Variants in MASP1 observed in about 807,000 individuals in gnomAD.
MASP1 encodes the protein mannan-binding lectin serine protease 1.
MASP1 carries 59 observed loss-of-function variants against 77.1 expected under a neutral mutation model. That is an observed-to-expected ratio of 0.77 (90% CI 0.62 to 0.95). The LOEUF (loss-of-function observed/expected upper bound fraction) is 0.95, where lower values mean the gene tolerates loss of function less well. MASP1 is among the 40% of genes least tolerant of loss of function. The probability of loss-of-function intolerance (pLI) is 0.00; values close to 1 mark genes in which losing one functional copy is unlikely to be tolerated. For missense variants in MASP1, 885 were observed against 912.9 expected (o/e 0.97, Z 0.39); for synonymous variants, 362 against 354.5 (o/e 1.02, Z -0.24).
intron 1 of MASP1, among the ~76,000 whole-genome samples, chr3:187,290,351 T>G (rs1166075417): frequency 6.6e-6 from 1 of 152,164 alleles, no homozygotes; most frequent in Admixed American, 6.5e-5. Context: ...GATGAGCATA[T>G]GCAAAGATAC....
intron 8 of MASP1, chr3:187,246,986 G>A: frequency 1.7e-6 from 2 of 1,208,046 alleles, no homozygotes; most frequent in Non-Finnish European, 2.1e-6. Context: ...GTCAGCCTGA[G>A]GCCACATGGT....
At chr3:187,244,028 C>T (rs1312482990) in intron 8 of MASP1, 1 of 252,878 alleles carries the variant, frequency 4.0e-6, no homozygotes, top group Non-Finnish European at 7.8e-6. Flanking sequence ...CTCTAGCTGA[C>T]ATAAACTAAA....
downstream of MASP1, among the ~76,000 whole-genome samples, chr3:187,231,162 C>T (rs1369577637): frequency 6.6e-6 from 1 of 152,218 alleles, no homozygotes; most frequent in Non-Finnish European, 1.5e-5. Context: ...TCCTCCTCAC[C>T]ATCTCTTCTT....
At chr3:187,226,201 C>A (rs905686311) in intron 12 of MASP1, 25 of 590,312 alleles carry the variant, frequency 4.2e-5, no homozygotes, top group Non-Finnish European at 6.1e-5. Context: ...GAAACTGAAG[C>A]ATAGACTTCA....
In MASP1 at chr3:187,223,148, C is replaced by G. The variant is rs768987275; in HGVS notation, c.1788G>C (p.Arg596Ser). 9.3e-6 allele frequency: 15 copies of G among 1,614,012 alleles called. No individual in the cohort carries two copies. The Middle Eastern group carries it at 6.6e-4, about 71-fold the overall frequency. ...TCACCTCCATCAGGGTCTCTGGGAA[C>G]CTTTGCAAGAACTGCTTCCCCCAGC... Residue 596 changes from arginine to serine, a missense_variant, in exon 14 of 16, where the codon AGG becomes AGC. Physicochemically the swap from Arg to Ser is moderately radical, Grantham distance 110. Coordinates refer to the MASP1 transcript ENST00000337774.
downstream of MASP1, among the ~76,000 whole-genome samples, chr3:187,229,098 C>T (rs111887739): frequency 2.1e-3 from 318 of 152,320 alleles, no homozygotes; most frequent in African/African-American, 6.8e-3. Context: ...TTTCTTTTGA[C>T]ATCAGAACTG....
chr3:187,250,205 G>T (rs377222869), intron 8 of MASP1, 46 bp downstream of exon 8: 82 of 1,495,032 alleles, frequency 5.5e-5, no homozygotes, highest in Middle Eastern at 1.7e-4. Context: ...TCCCGCCAGT[G>T]CTGGGGAGCT....
At position 187,236,542 on chromosome 3, in the gene MASP1, C is replaced by G; in HGVS notation, c.1329G>C (p.Leu443=). 2 of 1,613,954 alleles carry G rather than the reference C, an allele frequency of 1.2e-6. No individual in the cohort carries two copies. Among genetic ancestry groups the G allele is most frequent in the Non-Finnish European group, 8.5e-7 (1 of 1,179,956 alleles). The change falls in exon 11 of 11, where the codon CTG becomes CTC. Residue 443 remains leucine (L), a synonymous_variant. Transcript: ENST00000296280. ...LPECGQPSRS[L]PSLVKRIIGG... ...CAATGATCCTCTTGACCAGGCTTGGCAGGGAGCGGGAGGGCTGACCACACT... is the reference window on the plus strand; with the variant it reads ...CAATGATCCTCTTGACCAGGCTTGGGAGGGAGCGGGAGGGCTGACCACACT...
chr3:187,246,583 G>T, intron 8 of MASP1: 1 of 985,474 alleles, frequency 1.0e-6, no homozygotes, highest in East Asian at 1.1e-4. Context: ...AGAGATTCCA[G>T]CTGCCACTCC....
chr3:187,236,505 C>A lies in MASP1; in HGVS notation c.1366G>T (p.Ala456Ser). The change falls in exon 11 of 11, where the codon GCT becomes TCT. Residue 456 changes from alanine to serine, a missense_variant. Coordinates refer to ENST00000296280, the MANE Select transcript of MASP1 (RefSeq NM_139125.4). ...LVKRIIGGRN[A>S]EPGLFPWQAL... ...TGCCACGGGAAGAGGCCAGGCTCAG[C>A]ATTTCGGCCCCCAATGATCCTCTTG... 2.5e-6 allele frequency: 4 copies of A among 1,614,014 alleles called. No homozygotes were observed. Among genetic ancestry groups the A allele is most frequent in the Non-Finnish European group, 2.5e-6 (3 of 1,179,972 alleles).
chr3:187,262,814 G>C, intron 2 of MASP1, 94 bp from the exon 3 acceptor site: 1 of 1,119,790 alleles, frequency 8.9e-7, no homozygotes, highest in Admixed American at 1.9e-5. Flanking sequence ...GGCCACCCAA[G>C]AGTAGGCTAG....
intron 1 of MASP1, among the ~76,000 whole-genome samples, chr3:187,289,256 C>G (rs1718108660): frequency 1.3e-5 from 2 of 152,210 alleles, no homozygotes; most frequent in Non-Finnish European, 2.9e-5. Flanking sequence ...CACTTGCTAT[C>G]TTTTCCATAC....
intron 2 of MASP1, among the ~76,000 whole-genome samples, chr3:187,267,984 A>G (rs192880418): frequency 2.8e-4 from 42 of 152,330 alleles, no homozygotes; most frequent in Admixed American, 2.7e-3. Context: ...TTGAAGTCTG[A>G]CTGAAATAGT....
At chr3:187,240,567 G>C (rs1286414563) in intron 10 of MASP1, among the ~76,000 whole-genome samples, 1 of 152,054 alleles carries the variant, frequency 6.6e-6, no homozygotes, top group Non-Finnish European at 1.5e-5. Flanking sequence ...GCATTTTGGG[G>C]CTACACTTTT....
intron 2 of MASP1, among the ~76,000 whole-genome samples, chr3:187,284,474 A>T (rs1256052403): frequency 6.6e-6 from 1 of 152,224 alleles, no homozygotes; most frequent in South Asian, 2.1e-4. Flanking sequence ...AGTAGTGCTG[A>T]GGTTAAAAAT....
chr3:187,257,612 T>G (rs1715203724), intron 4 of MASP1, among the ~76,000 whole-genome samples: 1 of 152,146 alleles, frequency 6.6e-6, no homozygotes, highest in Non-Finnish European at 1.5e-5. Context: ...CTCAAATTCC[T>G]AGACTCAAGC....
chr3:187,285,840 T>G lies in MASP1; in HGVS notation c.222A>C (p.Glu74Asp). Residue 74 changes from glutamate (E) to aspartate (D), a missense_variant, in exon 2 of 11, where the codon GAA (glutamate) becomes GAC (aspartate). By Grantham distance (45) the Glu-to-Asp change is conservative (BLOSUM62 2). Coordinates refer to ENST00000296280, the MANE Select transcript of MASP1 (RefSeq NM_139125.4). ...GGAGTCTCACCTTCACATAGTCATA[T>G]TCACAAAGGTAGGAGGATTCCAAGT... The part of the protein sequence containing the change: ...HFNLESSYLC[E>D]YDYVKVETED... 4 of 1,613,918 alleles carry G rather than the reference T, an allele frequency of 2.5e-6. No individual in the cohort carries two copies. The highest frequency in any genetic ancestry group is 2.5e-6 in the Non-Finnish European group (3 of 1,179,782).
chr3:187,235,993 A>G lies in MASP1; in HGVS notation c.1878T>C (p.Pro626=). ...CATAGCTAGTTTTGCACTCAGCGTG[A>G]GGCACCACGGGTAACTTGACATACT... The part of the protein sequence containing the change: ...VLQYVKLPVV[P]HAECKTSYES... The change falls in exon 11 of 11, where the codon CCT becomes CCC. Residue 626 remains proline (P), a synonymous_variant. Transcript: ENST00000296280. 1.2e-6 allele frequency: 2 copies of G among 1,614,236 alleles called. No homozygotes were observed. Among genetic ancestry groups the G allele is most frequent in the Non-Finnish European group, 1.7e-6 (2 of 1,180,040 alleles).
At chr3:187,237,731 C>T (rs1357492293) in intron 10 of MASP1, among the ~76,000 whole-genome samples, 1 of 152,214 alleles carries the variant, frequency 6.6e-6, no homozygotes, top group African/African-American at 2.4e-5. Context: ...ATGGCCCTTC[C>T]CAGGCAGGGT....
Sources: allele counts gnomAD v4.1 joint callset (sites outside exome capture counted in the v4.1 genomes callset), GRCh38; gene constraint gnomAD v4.1.1; transcripts MANE v1.5; gene names NCBI Gene and HGNC (gene_info 2026-07-23, HGNC 2026-07-21).